DUOX2: variants seen among roughly 807,000 people sequenced by gnomAD.
DUOX2 encodes NADH/NADPH thyroid oxidase p138-tox.
A neutral mutation model predicts 183.3 loss-of-function variants in DUOX2; 185 were observed. That is an observed-to-expected ratio of 1.01 (90% CI 0.90 to 1.14). DUOX2 has a LOEUF of 1.14. DUOX2 is among the 50% of genes most tolerant of loss of function. The pLI is 0.00. For missense variants in DUOX2, 1,999 were observed against 2,022.9 expected, an observed-to-expected ratio of 0.99 and a Z score of 0.23; for synonymous variants, 788 against 812.4, an observed-to-expected ratio of 0.97 and a Z score of 0.51.
chr15:45,111,415 G>A lies in DUOX2; in HGVS notation c.684C>T (p.Ala228=), dbSNP rs939687607. 4 of 1,494,430 alleles carry A rather than the reference G, an allele frequency of 2.7e-6. No individual in the cohort carries two copies. In the African/African-American group the frequency reaches 4.2e-5, roughly 16 times the overall value. 92.6% of individuals were successfully genotyped at this position (1,494,430 alleles called of 1,614,324 possible). Residue 228 remains alanine (A), a synonymous_variant, in exon 6 of 34, where the codon GCC becomes GCT. Transcript: ENST00000389039. The part of the protein sequence containing the change: ...PLLMWAAPDP[A]TGQNGPRGLY... ...GCCCCCGGGGCCCGTTCTGCCCGGT[G>A]GCGGGGTCGGGCGCCGCCCACATGA...
chr15:45,113,518 G>T, intron 1 of DUOX2, 93 bp from the exon 2 acceptor site: 1 of 996,870 alleles, frequency 1.0e-6, no homozygotes, highest in Non-Finnish European at 1.5e-6. Context: ...AGCTAGTACT[G>T]GAGGAGGAGC....
chr15:45,107,913 G>C (rs1237390809), intron 13 of DUOX2, 134 bp downstream of exon 13: 6 of 725,396 alleles, frequency 8.3e-6, no homozygotes, highest in Non-Finnish European at 1.2e-5. Context: ...AAAAAAGAGA[G>C]ACCCAGAGGG....
Position 45,094,073 on chromosome 15 carries a change from T to C in DUOX2, c.*77A>G. 6.2e-7 allele frequency: 1 copy of C among 1,607,294 alleles called. No individual in the cohort carries two copies. The highest frequency in any genetic ancestry group is 1.1e-5 in the South Asian group (1 of 90,842). On this transcript the variant is annotated 3_prime_UTR_variant, in exon 34 of 34. Transcript: ENST00000389039. ...CCTAAGGTGGATTCTGATGGAGAGATTGCCAGCAGGGCTGGGCAACTTAGG... is the reference window on the plus strand; with the variant it reads ...CCTAAGGTGGATTCTGATGGAGAGACTGCCAGCAGGGCTGGGCAACTTAGG...
chr15:45,097,586 C>A (rs1222429781), intron 28 of DUOX2, 28 bp downstream of exon 28: 3 of 1,614,214 alleles, frequency 1.9e-6, no homozygotes, highest in Non-Finnish European at 2.5e-6. Context: ...CTCCCTGCTC[C>A]ATGGGCTGGC....
chr15:45,107,067 G>A (rs1894239260), intron 14 of DUOX2, 98 bp from the exon 15 acceptor site: 3 of 1,515,408 alleles, frequency 2.0e-6, no homozygotes, highest in Non-Finnish European at 2.7e-6. Context: ...GGTATCATCT[G>A]TCTTCCCCAG....
intron 5 of DUOX2, 64 bp downstream of exon 5, chr15:45,111,704 G>A (rs1894418079): frequency 4.1e-6 from 6 of 1,468,830 alleles, no homozygotes; most frequent in Non-Finnish European, 5.4e-6. Context: ...GGCCCTGCCA[G>A]GCCCGAAGCC....
In DUOX2 at chr15:45,094,284, T is replaced by C; in HGVS notation, c.4525-12A>G. 1.2e-6 allele frequency: 2 copies of C among 1,614,118 alleles called. No homozygotes were observed. The highest frequency in any genetic ancestry group is 2.7e-5 in the African/African-American group (2 of 75,004). ...CCGATCTTGCGCACCTGTCAGGAGA[T>C]TGGAGAGAGAGAGGGGCCTGCAGCC... On this transcript the variant is annotated splice_polypyrimidine_tract_variant and intron_variant, in intron 33 of 33. Transcript: ENST00000389039.
chr15:45,099,260 T>C (rs906669569), intron 26 of DUOX2, 123 bp downstream of exon 26: 13 of 775,298 alleles, frequency 1.7e-5, no homozygotes, highest in Non-Finnish European at 2.6e-5. Flanking sequence ...TCCGCCCACC[T>C]CGGCCTCCCA....
At chr15:45,094,762 C>G in intron 32 of DUOX2, 71 bp from the exon 33 acceptor site, 1 of 1,605,078 alleles carries the variant, frequency 6.2e-7, no homozygotes, top group Non-Finnish European at 8.5e-7. Context: ...GCCCACATAG[C>G]CCAAGAGACA....
chr15:45,114,164 C>G lies in DUOX2; in HGVS notation c.-206G>C. The G allele has an allele frequency of 9.7e-6, 3 of 310,756 alleles. No homozygotes were observed. The East Asian group carries it at 2.5e-4, about 26-fold the overall frequency. The allele number at this position is 310,756 out of a possible 1,614,324, so 19.2% of individuals were successfully genotyped here. ...CAGGTGTCGGCTCAGGACAGACCTG[C>G]GCCAGTGTGAGCATCTGGACCTAGG... On this transcript the variant is annotated 5_prime_UTR_variant, in exon 1 of 34. Coordinates refer to ENST00000389039, the MANE Select transcript of DUOX2 (RefSeq NM_001363711.2).
intron 20 of DUOX2, among the ~76,000 whole-genome samples, chr15:45,102,936 C>T (rs946107804): frequency 2.0e-5 from 3 of 152,172 alleles, no homozygotes; most frequent in South Asian, 2.1e-4. Context: ...GAGCCGAGAT[C>T]GTGGCACTGC....
rs764274267 is a variant in DUOX2, at chr15:45,111,569, C to T, written c.530G>A (p.Gly177Asp). ...NPRDLANQVT[G>D]WLDGSAIYGS... ...ATAGATGGCGCTGCCGTCCAGCCAGCCCGTCACCTGGTTGGCCTGCGGGGC... is the reference window on the plus strand; with the variant it reads ...ATAGATGGCGCTGCCGTCCAGCCAGTCCGTCACCTGGTTGGCCTGCGGGGC... The change falls in exon 6 of 34, where the codon GGC becomes GAC. Residue 177 changes from glycine (G) to aspartate (D), a missense_variant. This residue lies in a region of DUOX2 where 356 missense variants were observed against 356.4 expected (regional missense o/e 1.00). Coordinates refer to ENST00000389039, the MANE Select transcript of DUOX2 (RefSeq NM_001363711.2). The T allele has an allele frequency of 7.8e-6, 12 of 1,545,604 alleles. No individual in the cohort carries two copies. In the East Asian group the frequency reaches 2.7e-4, roughly 35 times the overall value.
Position 45,100,827 on chromosome 15 carries a change from T to TG in DUOX2, c.2932dup (p.Gln978ProfsTer144), listed in dbSNP as rs1894061785. ...TTCTGGGGCAGGGGGCCCCAGTCCC[T>TG]GGGGGTGGGAGCTGAGAAAAAGAAA... On this transcript the variant is annotated frameshift_variant, in exon 23 of 34. Transcript: ENST00000389039. LOFTEE classifies it high-confidence loss of function. 1 of 1,611,272 alleles carries TG rather than the reference T, an allele frequency of 6.2e-7. No homozygotes were observed. Among genetic ancestry groups the TG allele is most frequent in the African/African-American group, 1.3e-5 (1 of 74,918 alleles).
At chr15:45,113,447 G>T in intron 1 of DUOX2, 22 bp from the exon 2 acceptor site, 2 of 1,547,394 alleles carry the variant, frequency 1.3e-6, no homozygotes, top group Non-Finnish European at 1.7e-6. Context: ...GGGTGGGGGT[G>T]GTAGGTGGTA....
At chr15:45,105,948 G>A (rs2141150841) in intron 17 of DUOX2, 120 bp from the exon 18 acceptor site, 1 of 1,445,368 alleles carries the variant, frequency 6.9e-7, no homozygotes, top group South Asian at 1.2e-5. Flanking sequence ...CATCCAGGCT[G>A]GGGCCAGGTG....
intron 7 of DUOX2, 46 bp downstream of exon 7, chr15:45,111,065 G>A: frequency 1.4e-6 from 1 of 700,098 alleles, no homozygotes; most frequent in Non-Finnish European, 2.4e-6. Context: ...GTCTCCCGTG[G>A]GCTTGCACGC....
chr15:45,103,530 G>T (rs149871928), intron 20 of DUOX2, among the ~76,000 whole-genome samples: 53 of 152,314 alleles, frequency 3.5e-4, no homozygotes, highest in African/African-American at 1.2e-3. Flanking sequence ...AGCCTTCCAC[G>T]TTTCTCTTCC....
intron 22 of DUOX2, 39 bp downstream of exon 22, chr15:45,101,166 T>G: frequency 6.3e-7 from 1 of 1,594,774 alleles, no homozygotes. Context: ...TGCAGGGGGC[T>G]CAGCCAGGCC....
rs1415222060 is a variant in DUOX2 at position 45,110,500 on chromosome 15, C to T, written c.968G>A (p.Ser323Asn). The T allele has an allele frequency of 6.2e-7, 1 of 1,614,126 alleles. No individual in the cohort carries two copies. The highest frequency in any genetic ancestry group is 1.3e-5 in the African/African-American group (1 of 75,026). ...GGCCACCACAAATTCCGGGGAGATG[C>T]TGGGGTCTAGGAAAGGACGGTATCC... ...YTGYRPFLDP[S>N]ISPEFVVASE... Residue 323 changes from serine (S) to asparagine (N), a missense_variant, in exon 9 of 34, where the codon AGC (serine) becomes AAC (asparagine). Ser to Asn is a conservative substitution (Grantham distance 46). Around this residue, in one of 3 missense-constraint regions of DUOX2, gnomAD observed 1,628 missense variants for 1,608.6 expected, o/e 1.01. Coordinates refer to ENST00000389039, the MANE Select transcript of DUOX2 (RefSeq NM_001363711.2).
Sources: allele counts gnomAD v4.1 joint callset (sites outside exome capture counted in the v4.1 genomes callset), GRCh38; gene constraint gnomAD v4.1.1; regional missense constraint gnomAD v4.1.1; transcripts MANE v1.5; gene names NCBI Gene and HGNC (gene_info 2026-07-23, HGNC 2026-07-21).